TOM1L2: variants seen among roughly 807,000 people sequenced by gnomAD.
TOM1L2 encodes the protein TOM1-like protein 2.
A neutral mutation model predicts 67.9 loss-of-function variants in TOM1L2; 31 were observed. That is an observed-to-expected ratio of 0.46 (90% CI 0.34 to 0.62). TOM1L2 has a LOEUF of 0.62. Among genes scored for constraint, TOM1L2 ranks in the 20% least tolerant of loss-of-function variants. The probability of loss-of-function intolerance (pLI) is 0.01; values close to 1 mark genes in which losing one functional copy is unlikely to be tolerated. For synonymous variants in TOM1L2, 256 were observed against 254.0 expected, an observed-to-expected ratio of 1.01 and a Z score of -0.07; for missense variants, 606 against 663.5, an observed-to-expected ratio of 0.91 and a Z score of 0.95.
intron 12 of TOM1L2, among the ~76,000 whole-genome samples, chr17:17,853,790 A>G (rs2036122584): frequency 1.3e-5 from 2 of 152,212 alleles, no homozygotes. Context: ...AGTTTCTTCT[A>G]TCCTAAGAAG....
intron 1 of TOM1L2, among the ~76,000 whole-genome samples, chr17:17,945,021 C>T (rs2040882825): frequency 6.6e-6 from 1 of 152,184 alleles, no homozygotes; most frequent in South Asian, 2.1e-4. Flanking sequence ...CTTCATCCTC[C>T]GGGGCCAATG....
intron 1 of TOM1L2, among the ~76,000 whole-genome samples, chr17:17,944,598 G>A (rs796392233): frequency 1.3e-5 from 2 of 152,268 alleles, no homozygotes; most frequent in African/African-American, 4.8e-5. Context: ...CCCATATTTG[G>A]AGTTATTCTC....
At chr17:17,876,077 G>A (rs890657167) in intron 7 of TOM1L2, among the ~76,000 whole-genome samples, 1 of 152,250 alleles carries the variant, frequency 6.6e-6, no homozygotes, top group African/African-American at 2.4e-5. Flanking sequence ...TTAATTAAAA[G>A]TTATTCATTG....
chr17:17,901,728 G>C (rs2038866437), intron 2 of TOM1L2, among the ~76,000 whole-genome samples: 1 of 152,200 alleles, frequency 6.6e-6, no homozygotes, highest in South Asian at 2.1e-4. Context: ...AGAACACAAA[G>C]ATTCTATGAG....
At position 17,869,392 on chromosome 17, in the gene TOM1L2, C is replaced by A; in HGVS notation, c.859G>T (p.Glu287Ter). The A allele has an allele frequency of 2.5e-6, 4 of 1,613,480 alleles. No individual in the cohort carries two copies. Among genetic ancestry groups the A allele is most frequent in the Non-Finnish European group, 3.4e-6 (4 of 1,180,010 alleles). The change falls in exon 8 of 15, where the codon GAG (glutamate) becomes TAG (stop). Residue 287 changes from glutamate to a stop codon, truncating the protein, a stop_gained. Coordinates refer to ENST00000379504, the MANE Select transcript of TOM1L2 (RefSeq NM_001082968.2). LOFTEE classifies it high-confidence loss of function. ...SRVSNEEVTE[E>*]LLHVNDDLNN... ...AGGTCATCGTTCACATGCAGCAGCT[C>A]CTCGGTGACCTCCTCATTGGACACG...
At chr17:17,898,487 C>T (rs780654742) in intron 3 of TOM1L2, 109 bp downstream of exon 3, 78 of 1,134,934 alleles carry the variant, frequency 6.9e-5, no homozygotes, top group Non-Finnish European at 9.5e-5. Context: ...GGCACCAAGC[C>T]ATTCAGAGGT....
chr17:17,970,730 G>T (rs1016511718), intron 1 of TOM1L2, among the ~76,000 whole-genome samples: 2 of 152,158 alleles, frequency 1.3e-5, no homozygotes, highest in Non-Finnish European at 2.9e-5. Flanking sequence ...TAGCCAACAG[G>T]AGAGACCTCA....
At chr17:17,956,105 C>G (rs988702832) in intron 1 of TOM1L2, among the ~76,000 whole-genome samples, 1 of 152,166 alleles carries the variant, frequency 6.6e-6, no homozygotes, top group Non-Finnish European at 1.5e-5. Context: ...CTCCCCCGCA[C>G]GAAAAAGGAC....
rs532436762 is a variant in TOM1L2 at position 17,912,989 on chromosome 17, GC to G, written c.53-5459del. Among the ~76,000 whole-genome samples the G allele has an allele frequency of 2.2e-3, 332 of 152,356 alleles. 1 individual carries two copies. In the Middle Eastern group the frequency reaches 0.031, roughly 14 times the overall value. The stretch of plus-strand genomic sequence containing the variant: ...GCTCGCGGTTAGGAGCTGGAGACCG[GC>G]CAGGCCAACACAGCGAAACCCCGTC... On this transcript the variant is annotated intron_variant, in intron 1 of 14. Transcript: ENST00000379504.
intron 1 of TOM1L2, among the ~76,000 whole-genome samples, chr17:17,919,960 GC>G (rs1237939899): frequency 6.6e-6 from 1 of 152,112 alleles, no homozygotes; most frequent in East Asian, 1.9e-4. Context: ...TAGCAATACT[GC>G]CAACCACATG....
chr17:17,908,101 A>G (rs2039177789), intron 1 of TOM1L2, among the ~76,000 whole-genome samples: 1 of 152,220 alleles, frequency 6.6e-6, no homozygotes. Context: ...GGGGAGAAAG[A>G]AAGGACCATT....
At chr17:17,948,361 C>T (rs1455364094) in intron 1 of TOM1L2, among the ~76,000 whole-genome samples, 1 of 152,112 alleles carries the variant, frequency 6.6e-6, no homozygotes, top group East Asian at 1.9e-4. Flanking sequence ...AAAAATGTGC[C>T]CCCTTGGCCA....
intron 2 of TOM1L2, among the ~76,000 whole-genome samples, chr17:17,903,877 G>A (rs1446788984): frequency 6.6e-6 from 1 of 152,020 alleles, no homozygotes; most frequent in African/African-American, 2.4e-5. Flanking sequence ...AGTGAAAGAG[G>A]TGACGAGAAC....
At chr17:17,965,751 G>C (rs2041850317) in intron 1 of TOM1L2, among the ~76,000 whole-genome samples, 1 of 152,158 alleles carries the variant, frequency 6.6e-6, no homozygotes, top group African/African-American at 2.4e-5. Context: ...TGTGAGGATC[G>C]AATGACTGCA....
chr17:17,867,850 A>G (rs2036942583), intron 8 of TOM1L2, among the ~76,000 whole-genome samples: 1 of 152,192 alleles, frequency 6.6e-6, no homozygotes, highest in Non-Finnish European at 1.5e-5. Flanking sequence ...TTTTTTCAAC[A>G]GTGGTCTACA....
rs1045337499 is a variant in TOM1L2 at position 17,844,221 on chromosome 17, C to G, written c.*3414G>C. On this transcript the variant is annotated 3_prime_UTR_variant, in exon 15 of 15. Coordinates refer to ENST00000379504, the MANE Select transcript of TOM1L2 (RefSeq NM_001082968.2). ...AAGCCATCCAGAAGGCTGGGCCCAA[C>G]TGAGTTAGAGATGCGTGTCTGCGGG... The G allele has an allele frequency of 6.6e-6, 1 of 152,294 alleles. No individual in the cohort carries two copies. The highest frequency in any genetic ancestry group is 1.5e-5 in the Non-Finnish European group (1 of 68,074). 9.4% of individuals were successfully genotyped at this position (152,294 alleles called of 1,614,324 possible).
At chr17:17,965,841 C>T (rs916866719) in intron 1 of TOM1L2, among the ~76,000 whole-genome samples, 1 of 152,082 alleles carries the variant, frequency 6.6e-6, no homozygotes, top group Non-Finnish European at 1.5e-5. Flanking sequence ...AAAAACGGGG[C>T]CGGGCATGGT....
At position 17,959,441 on chromosome 17, in the gene TOM1L2, C is replaced by A. The variant is rs1023722768; in HGVS notation, c.52+12821G>T. 5.3e-5 allele frequency among the ~76,000 whole-genome samples: 8 copies of A among 152,300 alleles called. No homozygotes were observed. The East Asian group carries it at 1.5e-3, about 29-fold the overall frequency. On this transcript the variant is annotated intron_variant, in intron 1 of 14. Coordinates refer to ENST00000379504, the MANE Select transcript of TOM1L2 (RefSeq NM_001082968.2). ...TCTCTGGCCTTGTTTCCACAACCTGCAAAAATTAGAGGGTTGGACCAAATA... is the reference window on the plus strand; with the variant it reads ...TCTCTGGCCTTGTTTCCACAACCTGAAAAAATTAGAGGGTTGGACCAAATA...
At chr17:17,864,492 T>G (rs9897374) in intron 10 of TOM1L2, among the ~76,000 whole-genome samples, 339 of 151,298 alleles carry the variant, frequency 2.2e-3, no homozygotes, top group African/African-American at 7.2e-3. Flanking sequence ...TTACAGGCGT[T>G]AGCCACCGCA....
Sources: gnomAD v4.1 joint callset for allele counts (sites outside exome capture counted in the v4.1 genomes callset) on GRCh38, gnomAD v4.1.1 for gene constraint, MANE v1.5 for transcripts, NCBI Gene and HGNC (gene_info 2026-07-23, HGNC 2026-07-21) for gene names.